Variants in STAB1 observed in about 807,000 individuals in gnomAD.
The protein encoded by STAB1 is stabilin-1.
Under a neutral mutation model 332.4 loss-of-function variants are expected in STAB1, and 250 were observed. The ratio of observed to expected loss-of-function variants is 0.75; its 90% CI spans 0.68 to 0.84. The LOEUF (loss-of-function observed/expected upper bound fraction) is 0.84. Among genes scored for constraint, STAB1 ranks in the 40% least tolerant of loss-of-function variants. The probability of loss-of-function intolerance (pLI) is 0.00; values close to 1 mark genes in which losing one functional copy is unlikely to be tolerated. For missense variants in STAB1, 3,249 were observed against 3,489.7 expected, an observed-to-expected ratio of 0.93 and a Z score of 1.74; for synonymous variants, 1,475 against 1,390.4, an observed-to-expected ratio of 1.06 and a Z score of -1.35.
intron 9 of STAB1, 39 bp from the exon 10 acceptor site, chr3:52,503,989 C>G: frequency 6.2e-7 from 1 of 1,609,642 alleles, no homozygotes; most frequent in Non-Finnish European, 8.5e-7. Context: ...TGGGGGGGGC[C>G]TCAGCCTCCG....
In STAB1 at chr3:52,507,663, C is replaced by T; in HGVS notation, c.2040C>T (p.Asn680=). 6.2e-7 allele frequency: 1 copy of T among 1,613,662 alleles called. No individual in the cohort carries two copies. The highest frequency in any genetic ancestry group is 8.5e-7 in the Non-Finnish European group (1 of 1,180,020). The change falls in exon 19 of 69, where the codon AAC becomes AAT. Residue 680 remains asparagine (N), a synonymous_variant. Coordinates refer to ENST00000321725, the MANE Select transcript of STAB1 (RefSeq NM_015136.3). ...TGAACACCAGCACGTGTCCCCCCAA[C>T]AGTGTGAAGCTGGTGAGCACACCTT... ...QALNTSTCPP[N]SVKLDIFPKE... is the part of the protein sequence containing the mutation.
At chr3:52,510,984 G>T (rs944996472) in intron 25 of STAB1, among the ~76,000 whole-genome samples, 2 of 152,206 alleles carry the variant, frequency 1.3e-5, no homozygotes, top group Non-Finnish European at 2.9e-5. Context: ...GTCAGGGTCA[G>T]CCTCTGCATG....
At chr3:52,519,907 G>C (rs368151110) in intron 50 of STAB1, 37 bp from the exon 51 acceptor site, 58 of 1,537,164 alleles carry the variant, frequency 3.8e-5, no homozygotes, top group African/African-American at 5.5e-5. Context: ...GTCTCTGACT[G>C]GGCAGCGACT....
At chr3:52,501,142 A>G in intron 1 of STAB1, 24 bp from the exon 2 acceptor site, 1 of 1,608,588 alleles carries the variant, frequency 6.2e-7, no homozygotes, top group Non-Finnish European at 8.5e-7. Flanking sequence ...CAGGCCCCTG[A>G]CCACACCCTG....
rs778235254 is a variant in STAB1 at position 52,520,147 on chromosome 3, T to C, written c.5412+27T>C. 1.4e-5 allele frequency: 22 copies of C among 1,612,500 alleles called. No homozygotes were observed. In the East Asian group the frequency reaches 4.9e-4, roughly 36 times the overall value. On this transcript the variant is annotated intron_variant, in intron 51 of 68. Coordinates refer to ENST00000321725, the MANE Select transcript of STAB1 (RefSeq NM_015136.3). ...TGGGTGCAGCCCCCAACCTTGGTCTTCACTGCCTGCAGCTCAGCCTGCCTT... is the reference window on the plus strand; with the variant it reads ...TGGGTGCAGCCCCCAACCTTGGTCTCCACTGCCTGCAGCTCAGCCTGCCTT...
chr3:52,517,500 C>T (rs1041929116), intron 43 of STAB1, 50 bp from the exon 44 acceptor site: 3 of 1,604,522 alleles, frequency 1.9e-6, no homozygotes, highest in Non-Finnish European at 2.6e-6. Context: ...ACCCAGGGTG[C>T]TGGCCAGCTG....
In STAB1 at chr3:52,515,452, A is replaced by G. The variant is rs1165328634; in HGVS notation, c.3894A>G (p.Arg1298=). The G allele has an allele frequency of 6.2e-7, 1 of 1,613,310 alleles. No homozygotes were observed. The change falls in exon 37 of 69, where the codon CGA becomes CGG. Residue 1298 remains arginine (R), a synonymous_variant. Transcript: ENST00000321725. ...QDTPRKSCVY[R]SGFSFSRGCS... ...CACCCAGGAAGAGCTGTGTCTACCG[A>G]TCTGGCTTCTCCTTCTCCCGGGGCT...
Position 52,524,428 on chromosome 3 carries a change from GC to G in STAB1, c.*73del, listed in dbSNP as rs2079201051. The G allele has an allele frequency of 3.7e-6, 6 of 1,612,076 alleles. No homozygotes were observed. The highest frequency in any genetic ancestry group is 3.4e-6 in the Non-Finnish European group (4 of 1,179,286). On this transcript the variant is annotated 3_prime_UTR_variant, in exon 69 of 69. Coordinates refer to ENST00000321725, the MANE Select transcript of STAB1 (RefSeq NM_015136.3). ...TTTATTGCTTGTCTGGGTGGATGGG[GC>G]AGGAGGGGCTGAGGGCCTGTCCCAG...
rs369575212 is a variant in STAB1 at position 52,520,023 on chromosome 3, G to A, written c.5315G>A (p.Arg1772Gln). 169 of 1,612,344 alleles carry A rather than the reference G, an allele frequency of 1.0e-4. No homozygotes were observed. The highest frequency in any genetic ancestry group is 1.3e-4 in the Non-Finnish European group (157 of 1,179,892). The change falls in exon 51 of 69, where the codon CGA becomes CAA. Residue 1772 changes from arginine to glutamine, a missense_variant. Arg to Gln is a conservative substitution (Grantham distance 43). Coordinates refer to ENST00000321725, the MANE Select transcript of STAB1 (RefSeq NM_015136.3). ...TMLWPTDAAFRALPPDRQAWL... is the reference protein window; with the variant it reads ...TMLWPTDAAFQALPPDRQAWL... ...CTGTGGCCCACAGACGCCGCCTTTC[G>A]AGCTCTGCCTCCGGATCGCCAGGCC...
In STAB1 at chr3:52,521,921, G is replaced by C; in HGVS notation, c.6241G>C (p.Gly2081Arg). ...RAGNSCECSL[G>R]YEGDGRVCTV... is the part of the protein sequence containing the mutation. ...AGGCAACAGCTGTGAGTGCAGCCTG[G>C]GCTATGAAGGGGATGGCCGTGTGTG... The change falls in exon 58 of 69, where the codon GGC (glycine) becomes CGC (arginine). Residue 2081 changes from glycine (G) to arginine (R), a missense_variant. Physicochemically the swap from Gly to Arg is moderately radical, Grantham distance 125. Transcript: ENST00000321725. 1 of 1,609,538 alleles carries C rather than the reference G, an allele frequency of 6.2e-7. No individual in the cohort carries two copies. Among genetic ancestry groups the C allele is most frequent in the Non-Finnish European group, 8.5e-7 (1 of 1,177,142 alleles).
Position 52,516,686 on chromosome 3 carries a change from T to G in STAB1, c.4287-6T>G. 6.2e-7 allele frequency: 1 copy of G among 1,612,324 alleles called. No individual in the cohort carries two copies. The highest frequency in any genetic ancestry group is 8.5e-7 in the Non-Finnish European group (1 of 1,179,902). On this transcript the variant is annotated splice_polypyrimidine_tract_variant and splice_region_variant and intron_variant, in intron 40 of 68. Coordinates refer to ENST00000321725, the MANE Select transcript of STAB1 (RefSeq NM_015136.3). Reference sequence around the variant, plus strand: ...TGGGCTAAGCTGCTGCTACCACCCCTCCCAGCTGCGTGCAGGACTCGGCCG... The same window carrying G: ...TGGGCTAAGCTGCTGCTACCACCCCGCCCAGCTGCGTGCAGGACTCGGCCG...
Position 52,519,359 on chromosome 3 carries a change from C to G in STAB1, c.5130C>G (p.Pro1710=). The G allele has an allele frequency of 6.2e-7, 1 of 1,613,116 alleles. No homozygotes were observed. The highest frequency in any genetic ancestry group is 1.1e-5 in the South Asian group (1 of 91,080). The part of the protein sequence containing the change: ...ILHFIDRVLL[P]PEALHWEPDD... ...ACTTCATTGACCGTGTCCTGCTGCC[C>G]CCCGAGGCGCTGCACTGGGAGCCTG... Residue 1710 remains proline, a synonymous_variant, in exon 49 of 69, where the codon CCC becomes CCG. Transcript: ENST00000321725.
At position 52,516,181 on chromosome 3, in the gene STAB1, C is replaced by T; in HGVS notation, c.4087C>T (p.His1363Tyr). Residue 1363 changes from histidine (H) to tyrosine (Y), a missense_variant, in exon 38 of 69, where the codon CAT becomes TAT. Physicochemically the swap from His to Tyr is moderately conservative, Grantham distance 83. Transcript: ENST00000321725. ...SGECHCHEGF[H>Y]GTACEVCELG... ...GGAGTGCCACTGCCACGAGGGCTTC[C>T]ATGGAACGGCCTGTGAGGTGTGTGA... is the stretch of plus-strand genomic sequence containing the variant. 1 of 1,612,550 alleles carries T rather than the reference C, an allele frequency of 6.2e-7. No individual in the cohort carries two copies. The highest frequency in any genetic ancestry group is 8.5e-7 in the Non-Finnish European group (1 of 1,179,870).
At position 52,520,782 on chromosome 3, in the gene STAB1, C is replaced by T. The variant is rs199711774; in HGVS notation, c.5707-22C>T. The T allele has an allele frequency of 2.6e-4, 425 of 1,612,738 alleles. No individual in the cohort carries two copies. In the African/African-American group the frequency reaches 4.5e-3, roughly 17 times the overall value. ...CACCAAACTCAGAACCACCCAACTG[C>T]GGCCTGACTCCTTTGGCCCAGGGCA... On this transcript the variant is annotated intron_variant, in intron 54 of 68. Coordinates refer to ENST00000321725, the MANE Select transcript of STAB1 (RefSeq NM_015136.3).
At position 52,522,763 on chromosome 3, in the gene STAB1, C is replaced by T. The variant is rs2079118708; in HGVS notation, c.6745-12C>T. On this transcript the variant is annotated splice_polypyrimidine_tract_variant and intron_variant, in intron 61 of 68. Coordinates refer to ENST00000321725, the MANE Select transcript of STAB1 (RefSeq NM_015136.3). Reference sequence around the variant, plus strand: ...GGGTCTTGGGTCTTAGTATCCCCTCCTGTTCCTACAGCTGGGCTTCCACCT... The same window carrying T: ...GGGTCTTGGGTCTTAGTATCCCCTCTTGTTCCTACAGCTGGGCTTCCACCT... 1 of 1,612,994 alleles carries T rather than the reference C, an allele frequency of 6.2e-7. No homozygotes were observed. Among genetic ancestry groups the T allele is most frequent in the Non-Finnish European group, 8.5e-7 (1 of 1,179,914 alleles).
chr3:52,517,037 A>G lies in STAB1; in HGVS notation c.4417A>G (p.Thr1473Ala). The change falls in exon 42 of 69, where the codon ACC becomes GCC. Residue 1473 changes from threonine to alanine, a missense_variant. Transcript: ENST00000321725. ...HGGCSPHANCTKVAPGQRTCT... is the reference protein window; with the variant it reads ...HGGCSPHANCAKVAPGQRTCT... The stretch of plus-strand genomic sequence containing the variant: ...GGGCTGCTCCCCTCATGCCAACTGT[A>G]CCAAGGTGGCACCTGGGCAGCGGAC... The G allele has an allele frequency of 1.2e-6, 2 of 1,606,254 alleles. No homozygotes were observed. Among genetic ancestry groups the G allele is most frequent in the East Asian group, 2.2e-5 (1 of 44,770 alleles).
In STAB1 at chr3:52,519,949, C is replaced by A. The variant is rs780397408; in HGVS notation, c.5241C>A (p.Ala1747=). 2 of 1,572,180 alleles carry A rather than the reference C, an allele frequency of 1.3e-6. No individual in the cohort carries two copies. The highest frequency in any genetic ancestry group is 1.7e-6 in the Non-Finnish European group (2 of 1,159,122). The part of the protein sequence containing the change: ...YKIFSGLLKV[A]GLLPLLREAS... ...TCTTTGCTGCACCCCACCAGGTGGC[C>A]GGCCTCCTGCCCCTGCTTCGAGAGG... Residue 1747 remains alanine, a synonymous_variant, in exon 51 of 69, where the codon GCC becomes GCA. Coordinates refer to ENST00000321725, the MANE Select transcript of STAB1 (RefSeq NM_015136.3).
chr3:52,499,619 GCCGGGCGCGGTGGCT>G (rs1708286635), intron 1 of STAB1, among the ~76,000 whole-genome samples: 3 of 152,178 alleles, frequency 2.0e-5, no homozygotes, highest in Non-Finnish European at 2.9e-5. Context: ...AAACTGGCCG[GCCGGGCGCGGTGGCT>G]CACGCCTGTA....
At chr3:52,502,871 C>A in intron 6 of STAB1, 128 bp from the exon 7 acceptor site, 2 of 1,216,070 alleles carry the variant, frequency 1.6e-6, no homozygotes, top group Non-Finnish European at 2.3e-6. Flanking sequence ...CTGAGACCTC[C>A]ACTGTCCAGA....
Sources: allele counts gnomAD v4.1 joint callset (sites outside exome capture counted in the v4.1 genomes callset), GRCh38; gene constraint gnomAD v4.1.1; transcripts MANE v1.5; gene names NCBI Gene and HGNC (gene_info 2026-07-23, HGNC 2026-07-21).